The following MROH9 variants were observed in gnomAD, a reference collection of about 807,000 sequenced individuals.
The protein encoded by MROH9 is maestro heat like repeat family member 9.
In MROH9, 92 loss-of-function variants were observed where a neutral mutation model predicts 98.2. That is an observed-to-expected ratio of 0.94 (90% CI 0.79 to 1.11). MROH9 has a LOEUF of 1.11. Ranked by LOEUF, MROH9 falls within the 50% of genes most tolerant of loss-of-function variation. MROH9 has a pLI of 0.00. For synonymous variants in MROH9, 397 were observed against 368.9 expected, an observed-to-expected ratio of 1.08 and a Z score of -0.87; for missense variants, 1,057 against 1,014.8, an observed-to-expected ratio of 1.04 and a Z score of -0.57.
intron 8 of MROH9, among the ~76,000 whole-genome samples, chr1:170,972,337 G>A (rs1227115654): frequency 6.6e-6 from 1 of 152,170 alleles, no homozygotes; most frequent in Non-Finnish European, 1.5e-5. Context: ...AGACCTGAAA[G>A]TATTAAGCTA....
intron 16 of MROH9, among the ~76,000 whole-genome samples, chr1:171,015,369 T>G (rs976671409): frequency 1.2e-4 from 19 of 152,044 alleles, no homozygotes; most frequent in African/African-American, 4.1e-4. Flanking sequence ...CCTAGGAGAG[T>G]GAAAGAAAAG....
chr1:171,030,978 C>T lies in MROH9; in HGVS notation c.2281+5558C>T, dbSNP rs913896407. 2.6e-5 allele frequency among the ~76,000 whole-genome samples: 4 copies of T among 152,198 alleles called. No individual in the cohort carries two copies. The South Asian group carries it at 8.3e-4, about 32-fold the overall frequency. ...AATCTGGGTGTGCCTGTATTGAGTG[C>T]ACGTATATTTAGAATAGTTAGCTCT... On this transcript the variant is annotated intron_variant, in intron 20 of 21. Transcript: ENST00000367759.
At chr1:171,062,344 A>G in intron 21 of MROH9, 150 bp downstream of exon 21, 1 of 608,130 alleles carries the variant, frequency 1.6e-6, no homozygotes, top group Non-Finnish European at 2.9e-6. Flanking sequence ...CGGAAGAATC[A>G]ATGAAAGGAC....
intron 17 of MROH9, among the ~76,000 whole-genome samples, chr1:171,018,786 A>T (rs1652413375): frequency 6.6e-6 from 1 of 152,236 alleles, no homozygotes; most frequent in Non-Finnish European, 1.5e-5. Context: ...GAATCGATGA[A>T]GCAGAAGAAA....
chr1:170,949,785 AG>A (rs907602156), intron 3 of MROH9, among the ~76,000 whole-genome samples: 3 of 152,058 alleles, frequency 2.0e-5, no homozygotes, highest in Admixed American at 6.6e-5. Flanking sequence ...ACCAACAGGA[AG>A]GGGACAATAA....
chr1:170,983,298 G>C, intron 8 of MROH9, 124 bp from the exon 9 acceptor site: 2 of 636,858 alleles, frequency 3.1e-6, no homozygotes, highest in Non-Finnish European at 2.7e-6. Context: ...TGAGCAGAGA[G>C]TTAAATATTC....
chr1:171,035,883 G>C lies in MROH9; in HGVS notation c.2281+10463G>C, dbSNP rs75022100. Among the ~76,000 whole-genome samples the C allele has an allele frequency of 6.9e-3, 1,050 of 152,190 alleles. 12 individuals carry two copies. Among genetic ancestry groups the C allele is most frequent in the African/African-American group, 0.024 (1,011 of 41,526 alleles). On this transcript the variant is annotated intron_variant, in intron 20 of 21. Coordinates refer to ENST00000367759, the MANE Select transcript of MROH9 (RefSeq NM_001163629.2). ...TATATCTGATAAAGCCGAACACATA[G>C]ATATCCTATGACTCAGGAATTCTAT...
intron 14 of MROH9, among the ~76,000 whole-genome samples, 154 bp downstream of exon 14, chr1:170,996,798 T>C (rs1557890887): frequency 6.6e-6 from 1 of 152,196 alleles, no homozygotes; most frequent in Non-Finnish European, 1.5e-5. Flanking sequence ...ACTTCTTCAA[T>C]TATTTTGAAG....
intron 8 of MROH9, among the ~76,000 whole-genome samples, chr1:170,974,246 A>G (rs1650595003): frequency 6.6e-6 from 1 of 152,174 alleles, no homozygotes; most frequent in African/African-American, 2.4e-5. Context: ...GGACAGAAAA[A>G]CAAATTAAAG....
chr1:171,004,252 G>A (rs923929629), intron 15 of MROH9, among the ~76,000 whole-genome samples: 2 of 152,138 alleles, frequency 1.3e-5, no homozygotes, highest in African/African-American at 4.8e-5. Context: ...CCTCCCCCGA[G>A]TTCTGGCCAG....
intron 20 of MROH9, among the ~76,000 whole-genome samples, chr1:171,031,547 G>T (rs879025701): frequency 6.6e-6 from 1 of 152,094 alleles, no homozygotes; most frequent in South Asian, 2.1e-4. Flanking sequence ...AGCTTAATTT[G>T]GCTGGATATG....
intron 17 of MROH9, among the ~76,000 whole-genome samples, chr1:171,018,402 G>A (rs527695840): frequency 1.3e-5 from 2 of 150,204 alleles, no homozygotes; most frequent in African/African-American, 4.9e-5. Context: ...TCAAATGTCA[G>A]CAGCCTCAAA....
intron 8 of MROH9, among the ~76,000 whole-genome samples, chr1:170,975,140 T>C (rs1209614332): frequency 6.6e-6 from 1 of 151,956 alleles, no homozygotes; most frequent in Non-Finnish European, 1.5e-5. Context: ...ATAATAAATG[T>C]AAATATTCTA....
intron 2 of MROH9, among the ~76,000 whole-genome samples, chr1:170,947,135 T>A (rs190796244): frequency 7.0e-4 from 107 of 152,074 alleles, no homozygotes; most frequent in African/African-American, 2.2e-3. Flanking sequence ...TACATAGCCA[T>A]TTTATTTAAA....
chr1:171,000,968 G>A (rs1165128537), intron 15 of MROH9, among the ~76,000 whole-genome samples: 1 of 151,814 alleles, frequency 6.6e-6, no homozygotes, highest in African/African-American at 2.4e-5. Flanking sequence ...TTAAGCTAGG[G>A]GAGTTGCATT....
chr1:171,033,907 T>C (rs1462496096), intron 20 of MROH9, among the ~76,000 whole-genome samples: 1 of 152,132 alleles, frequency 6.6e-6, no homozygotes, highest in East Asian at 1.9e-4. Flanking sequence ...TGATTAAATA[T>C]ACTGAGATAA....
At chr1:170,938,908 C>T (rs1197114179) in intron 1 of MROH9, among the ~76,000 whole-genome samples, 2 of 152,158 alleles carry the variant, frequency 1.3e-5, no homozygotes, top group Non-Finnish European at 2.9e-5. Context: ...GCTAGGTTGT[C>T]CTTGACAAAT....
rs149447151 is a variant in MROH9 at position 170,936,780 on chromosome 1, T to C, written c.-38+1193T>C. On this transcript the variant is annotated intron_variant, in intron 1 of 21. Coordinates refer to ENST00000367759, the MANE Select transcript of MROH9 (RefSeq NM_001163629.2). ...CGATGGGGTTGAGAAGGATATTTAT[T>C]ATTTAGGTGCACCGGCCCAGTTGGA... Among the ~76,000 whole-genome samples the C allele has an allele frequency of 6.8e-3, 1,030 of 152,112 alleles. 7 individuals carry two copies. Among genetic ancestry groups the C allele is most frequent in the African/African-American group, 0.023 (958 of 41,468 alleles).
At chr1:171,052,508 G>C (rs1245485513) in intron 20 of MROH9, among the ~76,000 whole-genome samples, 3 of 152,154 alleles carry the variant, frequency 2.0e-5, no homozygotes, top group African/African-American at 7.2e-5. Context: ...CCAAATGCCG[G>C]GAGATATGTC....
Sources: allele counts gnomAD v4.1 joint callset (sites outside exome capture counted in the v4.1 genomes callset), GRCh38; gene constraint gnomAD v4.1.1; transcripts MANE v1.5; gene names NCBI Gene and HGNC (gene_info 2026-07-23, HGNC 2026-07-21).